The following PTCHD4 variants were observed in gnomAD, a reference collection of about 807,000 sequenced individuals.
PTCHD4 encodes the protein patched domain-containing protein 4.
A neutral mutation model predicts 58.1 loss-of-function variants in PTCHD4; 33 were observed. The ratio of observed to expected loss-of-function variants is 0.57; its 90% CI spans 0.43 to 0.76. The LOEUF is 0.76. Ranked by LOEUF, PTCHD4 falls within the 30% of genes least tolerant of loss-of-function variation. The probability of loss-of-function intolerance (pLI) is 0.00; values close to 1 mark genes in which losing one functional copy is unlikely to be tolerated. For synonymous variants in PTCHD4, 478 were observed against 409.6 expected (o/e 1.17, Z -2.02); for missense variants, 1,058 against 1,027.1 (o/e 1.03, Z -0.41).
chr6:47,928,365 C>G (rs1765695225), intron 4 of PTCHD4, among the ~76,000 whole-genome samples: 1 of 152,106 alleles, frequency 6.6e-6, no homozygotes, highest in Non-Finnish European at 1.5e-5. Flanking sequence ...ACTAGGAGAT[C>G]TAAAAGAATA....
chr6:47,922,000 A>T (rs1417863924), intron 4 of PTCHD4, among the ~76,000 whole-genome samples: 1 of 150,982 alleles, frequency 6.6e-6, no homozygotes, highest in Non-Finnish European at 1.5e-5. Context: ...CTAGCCAGGC[A>T]TGGTGGTGCA....
At position 48,019,427 on chromosome 6, in the gene PTCHD4, G is replaced by A. The variant is rs535165341; in HGVS notation, c.418-10313C>T. ...GGGTCAGGGAAAGATAAGTAAGTAG[G>A]CAGGCATTTTAAAAAAATATAAGTA... On this transcript the variant is annotated intron_variant, in intron 3 of 4. Transcript: ENST00000339488. Among the ~76,000 whole-genome samples the A allele has an allele frequency of 4.6e-5, 7 of 152,102 alleles. No individual in the cohort carries two copies. The South Asian group carries it at 1.4e-3, about 31-fold the overall frequency.
In PTCHD4 at chr6:47,954,793, C is replaced by T. The variant is rs184959686; in HGVS notation, c.898+53841G>A. Among the ~76,000 whole-genome samples the T allele has an allele frequency of 2.0e-3, 301 of 152,240 alleles. 1 individual carries two copies. Among genetic ancestry groups the T allele is most frequent in the Middle Eastern group, 6.8e-3 (2 of 294 alleles). On this transcript the variant is annotated intron_variant, in intron 4 of 4. Transcript: ENST00000339488. ...TATCTGTAAGTGTAGTTTATTTACC[C>T]ATCCCTTGGCTATAGGTGGGCCTTT...
At chr6:48,044,638 A>C (rs1308483939) in intron 3 of PTCHD4, among the ~76,000 whole-genome samples, 2 of 151,896 alleles carry the variant, frequency 1.3e-5, no homozygotes, top group Non-Finnish European at 2.9e-5. Context: ...GCACACAGCC[A>C]TGCTCATTTG....
intron 3 of PTCHD4, among the ~76,000 whole-genome samples, chr6:48,027,240 T>TA (rs1763281495): frequency 6.6e-6 from 1 of 152,124 alleles, no homozygotes; most frequent in Non-Finnish European, 1.5e-5. Flanking sequence ...TTATTATAAA[T>TA]AAAATCTTCC....
chr6:47,922,368 C>A (rs1581883062), intron 4 of PTCHD4, among the ~76,000 whole-genome samples: 1 of 152,162 alleles, frequency 6.6e-6, no homozygotes, highest in Non-Finnish European at 1.5e-5. Flanking sequence ...TTTATCCCAT[C>A]TCCATTCCTT....
At chr6:48,103,229 C>A (rs569338094) in intron 1 of PTCHD4, among the ~76,000 whole-genome samples, 52 of 152,144 alleles carry the variant, frequency 3.4e-4, no homozygotes, top group Non-Finnish European at 6.3e-4. Context: ...ACACCTCACA[C>A]GGCCGGGTAC....
intron 4 of PTCHD4, among the ~76,000 whole-genome samples, chr6:47,971,833 G>C (rs1398641315): frequency 3.3e-5 from 5 of 152,180 alleles, no homozygotes; most frequent in Non-Finnish European, 7.3e-5. Context: ...AACAGACTTA[G>C]AGAGTGACTA....
chr6:47,878,960 C>A lies in PTCHD4; in HGVS notation c.1875G>T (p.Lys625Asn), dbSNP rs1581814152. The change falls in exon 5 of 5, where the codon AAG (lysine) becomes AAT (asparagine). Residue 625 changes from lysine to asparagine, a missense_variant. By Grantham distance (94) the Lys-to-Asn change is moderately conservative (BLOSUM62 0). Coordinates refer to ENST00000339488, the MANE Select transcript of PTCHD4 (RefSeq NM_001384253.1). ...KQKEITEVLE[K>N]LRPLSLSKSI... ...TCTTTGAGAGGGATAGGGGCCTCAG[C>A]TTTTCCAACACTTCTGTGATTTCTT... 6.2e-7 allele frequency: 1 copy of A among 1,612,966 alleles called. No homozygotes were observed. The highest frequency in any genetic ancestry group is 1.1e-5 in the South Asian group (1 of 91,078).
At chr6:48,088,984 G>T (rs934880485) in intron 1 of PTCHD4, among the ~76,000 whole-genome samples, 1 of 152,110 alleles carries the variant, frequency 6.6e-6, no homozygotes, top group Non-Finnish European at 1.5e-5. Context: ...GGCGGAGGTT[G>T]CATTGAGCCA....
intron 1 of PTCHD4, among the ~76,000 whole-genome samples, chr6:48,071,789 C>T (rs1764979872): frequency 6.6e-6 from 1 of 152,088 alleles, no homozygotes; most frequent in Non-Finnish European, 1.5e-5. Flanking sequence ...CTCTTTAAGA[C>T]CCTTTAGGCT....
At chr6:47,970,405 T>G (rs1204248839) in intron 4 of PTCHD4, among the ~76,000 whole-genome samples, 2 of 152,066 alleles carry the variant, frequency 1.3e-5, no homozygotes, top group African/African-American at 4.8e-5. Flanking sequence ...AACAGAAGGA[T>G]GTCAATAAGA....
chr6:48,092,728 T>C (rs1388485410), intron 1 of PTCHD4, among the ~76,000 whole-genome samples: 1 of 152,126 alleles, frequency 6.6e-6, no homozygotes, highest in Non-Finnish European at 1.5e-5. Context: ...GCATAAAACG[T>C]CATGGGGAAT....
chr6:47,932,277 G>C (rs1353349537), intron 4 of PTCHD4, among the ~76,000 whole-genome samples: 1 of 152,148 alleles, frequency 6.6e-6, no homozygotes, highest in East Asian at 1.9e-4. Flanking sequence ...TTGCTGGGAG[G>C]ATTTAGCACT....
At chr6:48,051,047 G>A (rs575075232) in intron 3 of PTCHD4, among the ~76,000 whole-genome samples, 3 of 152,054 alleles carry the variant, frequency 2.0e-5, no homozygotes, top group Admixed American at 6.6e-5. Flanking sequence ...ATTTGTAGAT[G>A]AACATCAATT....
chr6:47,908,868 T>C (rs1436646443), intron 4 of PTCHD4, among the ~76,000 whole-genome samples: 3 of 152,130 alleles, frequency 2.0e-5, no homozygotes, highest in Non-Finnish European at 2.9e-5. Context: ...TGTAAAACTG[T>C]AGGTGACTAA....
At chr6:47,938,751 A>G (rs545027842) in intron 4 of PTCHD4, among the ~76,000 whole-genome samples, 3 of 152,352 alleles carry the variant, frequency 2.0e-5, no homozygotes, top group South Asian at 4.1e-4. Flanking sequence ...AGGCAGAATT[A>G]GATTTAACTA....
intron 3 of PTCHD4, among the ~76,000 whole-genome samples, chr6:48,013,041 T>G (rs1485230921): frequency 6.6e-6 from 1 of 152,170 alleles, no homozygotes; most frequent in African/African-American, 2.4e-5. Context: ...TTCCCTTTTT[T>G]GGCTGGGTCT....
intron 3 of PTCHD4, among the ~76,000 whole-genome samples, chr6:48,017,220 T>A (rs186967288): frequency 3.3e-5 from 5 of 152,320 alleles, no homozygotes; most frequent in Non-Finnish European, 7.4e-5. Flanking sequence ...ATTGGTTATC[T>A]TTATTTTCCA....
Sources: allele counts gnomAD v4.1 joint callset (sites outside exome capture counted in the v4.1 genomes callset), GRCh38; gene constraint gnomAD v4.1.1; transcripts MANE v1.5; gene names NCBI Gene and HGNC (gene_info 2026-07-23, HGNC 2026-07-21).